Variants in UNC79 observed in about 807,000 individuals in gnomAD.
UNC79 encodes unc-79 subunit of NALCN channel complex.
Under a neutral mutation model 283.1 loss-of-function variants are expected in UNC79, and 37 were observed. The ratio of observed to expected loss-of-function variants is 0.13; its 90% confidence interval spans 0.10 to 0.17. The LOEUF is 0.17. Ranked by LOEUF, UNC79 falls within the 10% of genes least tolerant of loss-of-function variation. The probability of loss-of-function intolerance (pLI) is 1.00; values close to 1 mark genes in which losing one functional copy is unlikely to be tolerated. For synonymous variants in UNC79, 1,107 were observed against 1,200.2 expected, an observed-to-expected ratio of 0.92 and a Z score of 1.61; for missense variants, 2,272 against 3,211.1, an observed-to-expected ratio of 0.71 and a Z score of 7.07.
intron 40 of UNC79, among the ~76,000 whole-genome samples, chr14:93,668,922 G>A (rs2072517448): frequency 6.7e-6 from 1 of 149,208 alleles, no homozygotes; most frequent in Non-Finnish European, 1.5e-5. Flanking sequence ...ACCTGAGTCT[G>A]GGGGTTTGTG....
chr14:93,445,672 G>C (rs1190256246), intron 1 of UNC79, among the ~76,000 whole-genome samples: 1 of 152,156 alleles, frequency 6.6e-6, no homozygotes, highest in Non-Finnish European at 1.5e-5. Context: ...GAAAGGGTTT[G>C]TGTAGAATTG....
intron 5 of UNC79, among the ~76,000 whole-genome samples, chr14:93,488,884 T>C (rs1156973009): frequency 6.6e-6 from 1 of 152,184 alleles, no homozygotes; most frequent in Non-Finnish European, 1.5e-5. Context: ...ACCTAATTAC[T>C]TCCTAAAGGC....
intron 14 of UNC79, among the ~76,000 whole-genome samples, chr14:93,565,673 CAA>C (rs3060690): frequency 0.6 from 91,572 of 151,494 alleles, 28,226 homozygotes; most frequent in Admixed American, 0.68. Flanking sequence ...GCTTTAACAG[CAA>C]ACTAACAGTC....
At chr14:93,670,189 G>A (rs977876114) in intron 40 of UNC79, among the ~76,000 whole-genome samples, 11 of 152,160 alleles carry the variant, frequency 7.2e-5, no homozygotes, top group Admixed American at 6.5e-4. Flanking sequence ...GATCAAATGT[G>A]TGGAGATTTC....
intron 10 of UNC79, among the ~76,000 whole-genome samples, chr14:93,532,066 A>G (rs1389302518): frequency 6.6e-6 from 1 of 152,176 alleles, no homozygotes; most frequent in Non-Finnish European, 1.5e-5. Flanking sequence ...AGCCAATAAA[A>G]GTAGACGATA....
At chr14:93,472,607 A>C (rs2057571038) in intron 2 of UNC79, among the ~76,000 whole-genome samples, 3 of 152,136 alleles carry the variant, frequency 2.0e-5, no homozygotes, top group African/African-American at 4.8e-5. Context: ...AATTAGGCAC[A>C]TGGAAAATAC....
intron 22 of UNC79, among the ~76,000 whole-genome samples, chr14:93,587,126 T>G (rs1161395835): frequency 6.6e-6 from 1 of 152,170 alleles, no homozygotes; most frequent in East Asian, 1.9e-4. Context: ...ACTGAATAAA[T>G]AGAAAAGTTA....
chr14:93,653,005 T>C (rs1159057772), intron 35 of UNC79, among the ~76,000 whole-genome samples: 1 of 152,240 alleles, frequency 6.6e-6, no homozygotes. Flanking sequence ...TCAGGGTAGA[T>C]GTGGCACAAT....
At chr14:93,597,693 A>T (rs1384690864) in intron 24 of UNC79, among the ~76,000 whole-genome samples, 153 bp downstream of exon 24, 3 of 152,178 alleles carry the variant, frequency 2.0e-5, no homozygotes, top group Non-Finnish European at 4.4e-5. Context: ...TATTTCGCAG[A>T]TTGTCTGCCG....
Position 93,654,041 on chromosome 14 carries a change from T to C in UNC79, c.6282+16T>C. Reference sequence around the variant, plus strand: ...GCTCCTAGAGGTGGGTTTCCTTTAATGACACCCTAAGCCCCAGCCGAAACT... The same window carrying C: ...GCTCCTAGAGGTGGGTTTCCTTTAACGACACCCTAAGCCCCAGCCGAAACT... On this transcript the variant is annotated intron_variant, in intron 37 of 48. Transcript: ENST00000555664. The C allele has an allele frequency of 6.2e-7, 1 of 1,612,916 alleles. No homozygotes were observed. Among genetic ancestry groups the C allele is most frequent in the South Asian group, 1.1e-5 (1 of 91,044 alleles).
chr14:93,618,105 C>T (rs2066864296), intron 28 of UNC79, 87 bp from the exon 30 acceptor site: 3 of 1,422,260 alleles, frequency 2.1e-6, no homozygotes, highest in Admixed American at 2.1e-5. Context: ...CCAAGAGATA[C>T]TGCAAAAAGT....
chr14:93,406,915 G>C (rs992013055), intron 1 of UNC79, among the ~76,000 whole-genome samples: 2 of 152,152 alleles, frequency 1.3e-5, no homozygotes, highest in African/African-American at 4.8e-5. Context: ...CTGGAGGCTA[G>C]AAGTCTAAAG....
intron 4 of UNC79, among the ~76,000 whole-genome samples, chr14:93,481,998 G>A (rs1023952929): frequency 1.3e-5 from 2 of 152,122 alleles, no homozygotes; most frequent in East Asian, 3.8e-4. Context: ...TGGTGATTAA[G>A]GATAACTTCC....
intron 19 of UNC79, among the ~76,000 whole-genome samples, chr14:93,581,856 A>T (rs1411556512): frequency 1.3e-5 from 2 of 152,204 alleles, no homozygotes; most frequent in South Asian, 2.1e-4. Flanking sequence ...CCTGTTATTG[A>T]ATAAAATGTA....
In UNC79 at chr14:93,598,365, CGTGTGTGT is replaced by C. The variant is rs71301930; in HGVS notation, c.3372+863_3372+870del. ...TTGGACAGATGTAATTATTGCATAA[CGTGTGTGT>C]GTGTGTGTGTGTGTGTGTGTGTGTG... On this transcript the variant is annotated intron_variant, in intron 24 of 48. Coordinates refer to ENST00000555664, the Ensembl canonical transcript of UNC79. Among the ~76,000 whole-genome samples the C allele has an allele frequency of 0.034, 2,206 of 64,056 alleles. 178 individuals are homozygous for C. The East Asian group carries it at 0.35, about 10-fold the overall frequency. 42.0% of individuals were successfully genotyped at this position (64,056 alleles called of 152,430 possible).
intron 16 of UNC79, among the ~76,000 whole-genome samples, chr14:93,573,265 CA>C (rs2063307173): frequency 6.6e-6 from 1 of 152,172 alleles, no homozygotes; most frequent in Non-Finnish European, 1.5e-5. Context: ...AAGTCCATCT[CA>C]AAAATTATCC....
chr14:93,423,336 T>C (rs2055649859), intron 1 of UNC79, among the ~76,000 whole-genome samples: 1 of 152,080 alleles, frequency 6.6e-6, no homozygotes, highest in African/African-American at 2.4e-5. Context: ...ACCAATGACA[T>C]TCTTCACAAA....
intron 7 of UNC79, among the ~76,000 whole-genome samples, chr14:93,523,555 T>C (rs1030028407): frequency 1.3e-5 from 2 of 152,218 alleles, no homozygotes; most frequent in African/African-American, 4.8e-5. Flanking sequence ...CCAAGAAATA[T>C]AGGTTCTAGT....
chr14:93,556,986 G>A (rs2062211295), intron 14 of UNC79, among the ~76,000 whole-genome samples: 1 of 152,168 alleles, frequency 6.6e-6, no homozygotes. Flanking sequence ...GAGGGTTCTT[G>A]GATCTCATGC....
Sources: gnomAD v4.1 joint callset for allele counts (sites outside exome capture counted in the v4.1 genomes callset) on GRCh38, gnomAD v4.1.1 for gene constraint, MANE v1.5 for transcripts, NCBI Gene and HGNC (gene_info 2026-07-23, HGNC 2026-07-21) for gene names.